NLRP11: variants seen among roughly 807,000 people sequenced by gnomAD.
NLRP11 encodes NLR family pyrin domain containing 11, also known as NACHT, LRR and PYD domains-containing protein 11.
Under a neutral mutation model 79.3 loss-of-function variants are expected in NLRP11, and 53 were observed. The observed-to-expected ratio is 0.67, with a 90% CI of 0.54 to 0.84. NLRP11 has a LOEUF of 0.84. Among genes scored for constraint, NLRP11 ranks in the 40% least tolerant of loss-of-function variants. NLRP11 has a pLI of 0.00. For missense variants in NLRP11, 1,264 were observed against 1,255.0 expected, an observed-to-expected ratio of 1.01 and a Z score of -0.11; for synonymous variants, 518 against 462.6, an observed-to-expected ratio of 1.12 and a Z score of -1.54.
chr19:55,814,671 A>G (rs1354792614), intron 2 of NLRP11, among the ~76,000 whole-genome samples: 1 of 152,244 alleles, frequency 6.6e-6, no homozygotes, highest in African/African-American at 2.4e-5. Context: ...GTAATTTTTA[A>G]AATATCTAAA....
chr19:55,835,761 ACACT>A (rs1177226512), upstream of NLRP11, among the ~76,000 whole-genome samples: 1 of 140,100 alleles, frequency 7.1e-6, no homozygotes, highest in African/African-American at 2.7e-5. Flanking sequence ...GGCGGTCAGA[ACACT>A]TGAGGTCAAG....
chr19:55,806,102 G>A (rs145754766), intron 4 of NLRP11, among the ~76,000 whole-genome samples: 3 of 152,238 alleles, frequency 2.0e-5, no homozygotes, highest in East Asian at 3.9e-4. Flanking sequence ...AAAGGCCTTC[G>A]CTAGTTTCTG....
chr19:55,796,199 G>A, exon 6 of NLRP11: 1 of 1,613,888 alleles, frequency 6.2e-7, no homozygotes. Flanking sequence ...CACTGATGAG[G>A]AGAGAGGCGA....
chr19:55,804,336 C>T (rs1424147940), intron 4 of NLRP11, among the ~76,000 whole-genome samples: 1 of 152,108 alleles, frequency 6.6e-6, no homozygotes, highest in African/African-American at 2.4e-5. Context: ...CAGCACTATT[C>T]ACAATAGCAA....
At chr19:55,808,111 G>T (rs1276484600) in intron 3 of NLRP11, 97 bp from the exon 4 acceptor site, 2 of 772,018 alleles carry the variant, frequency 2.6e-6, no homozygotes, top group South Asian at 1.8e-5. Context: ...AGTGCCTGTT[G>T]TCTGACTCAG....
At chr19:55,790,030 C>G (rs1355755754) in intron 7 of NLRP11, among the ~76,000 whole-genome samples, 1 of 152,148 alleles carries the variant, frequency 6.6e-6, no homozygotes, top group Non-Finnish European at 1.5e-5. Flanking sequence ...GTTAACAGCT[C>G]TGCACCGACT....
chr19:55,794,830 T>C (rs299188), intron 6 of NLRP11, among the ~76,000 whole-genome samples: 83,208 of 151,916 alleles, frequency 0.55, 22,965 homozygotes, highest in Admixed American at 0.63. Flanking sequence ...TCTGGTGTTA[T>C]CCTGCAATCA....
At chr19:55,804,421 A>G (rs903100465) in intron 4 of NLRP11, among the ~76,000 whole-genome samples, 2 of 151,748 alleles carry the variant, frequency 1.3e-5, no homozygotes, top group Non-Finnish European at 1.5e-5. Flanking sequence ...AATACTATGC[A>G]GCCATAAAAA....
intron 7 of NLRP11, among the ~76,000 whole-genome samples, chr19:55,791,190 T>C (rs1332608135): frequency 1.3e-5 from 2 of 152,214 alleles, no homozygotes; most frequent in Non-Finnish European, 2.9e-5. Context: ...GTATTTACTG[T>C]CTAGCCTGTT....
intron 2 of NLRP11, among the ~76,000 whole-genome samples, chr19:55,817,170 A>G (rs957900691): frequency 2.6e-5 from 4 of 152,074 alleles, no homozygotes; most frequent in African/African-American, 9.7e-5. Flanking sequence ...CATGATAAAA[A>G]AAAATTTAAA....
At chr19:55,808,962 A>G (rs1041416024) in exon 3 of NLRP11, 1 of 1,613,994 alleles carries the variant, frequency 6.2e-7, no homozygotes, top group African/African-American at 1.3e-5. Context: ...CGATTCTCAT[A>G]GAGACAGTAA....
At chr19:55,830,887 C>T (rs1246221156) in intron 1 of NLRP11, among the ~76,000 whole-genome samples, 1 of 152,118 alleles carries the variant, frequency 6.6e-6, no homozygotes, top group Non-Finnish European at 1.5e-5. Context: ...ACTTCAAGCA[C>T]CTGTGACCAG....
At chr19:55,791,250 C>T (rs1600172877) in intron 7 of NLRP11, among the ~76,000 whole-genome samples, 2 of 152,026 alleles carry the variant, frequency 1.3e-5, no homozygotes, top group South Asian at 4.1e-4. Context: ...GAATTTGTCT[C>T]AACCTACTAA....
At chr19:55,796,790 G>A (rs1472634313) in intron 5 of NLRP11, among the ~76,000 whole-genome samples, 1 of 151,682 alleles carries the variant, frequency 6.6e-6, no homozygotes, top group Non-Finnish European at 1.5e-5. Flanking sequence ...GGGTTTTTAA[G>A]CGATTCTCCT....
At chr19:55,822,472 G>C (rs915064206) in intron 1 of NLRP11, among the ~76,000 whole-genome samples, 1 of 152,128 alleles carries the variant, frequency 6.6e-6, no homozygotes, top group South Asian at 2.1e-4. Context: ...CGCAGAAGAC[G>C]GGTGATTTCC....
intron 1 of NLRP11, among the ~76,000 whole-genome samples, chr19:55,823,844 A>T (rs931223142): frequency 6.8e-6 from 1 of 147,172 alleles, no homozygotes; most frequent in Non-Finnish European, 1.5e-5. Context: ...GCTCTGCAGG[A>T]TATTATCCAG....
chr19:55,792,564 G>A (rs1978379769), intron 6 of NLRP11, 93 bp from the exon 7 acceptor site: 1 of 851,408 alleles, frequency 1.2e-6, no homozygotes, highest in Non-Finnish European at 1.9e-6. Flanking sequence ...GCGCCTCGAT[G>A]CCTTCTACTG....
At chr19:55,822,280 A>AAAAC in intron 1 of NLRP11, among the ~76,000 whole-genome samples, 2 of 151,992 alleles carry the variant, frequency 1.3e-5, no homozygotes, top group African/African-American at 4.8e-5. Flanking sequence ...AAATAAAAAA[A>AAAAC]GATTGCCTTA....
At chr19:55,831,117 C>A (rs10408053) in intron 1 of NLRP11, among the ~76,000 whole-genome samples, 1 of 126,816 alleles carries the variant, frequency 7.9e-6, no homozygotes, top group East Asian at 2.9e-4. Context: ...CCATCCCCCC[C>A]ACCCCCCCGC....
Sources: allele counts gnomAD v4.1 joint callset (sites outside exome capture counted in the v4.1 genomes callset), GRCh38; gene constraint gnomAD v4.1.1; transcripts MANE v1.5; gene names NCBI Gene and HGNC (gene_info 2026-07-23, HGNC 2026-07-21).